The following PDXDC1 variants were observed in gnomAD, a reference collection of about 807,000 sequenced individuals.
The protein encoded by PDXDC1 is pyridoxal-dependent decarboxylase domain-containing protein 1.
A neutral mutation model predicts 100.1 loss-of-function variants in PDXDC1; 42 were observed. The ratio of observed to expected loss-of-function variants is 0.42; its 90% confidence interval spans 0.33 to 0.54. The LOEUF (loss-of-function observed/expected upper bound fraction) is 0.54. PDXDC1 is among the 20% of genes least tolerant of loss of function. The pLI, the probability that PDXDC1 is intolerant of heterozygous loss-of-function variation, is 0.10. For missense variants in PDXDC1, 636 were observed against 979.2 expected (o/e 0.65, Z 4.68); for synonymous variants, 260 against 371.7 (o/e 0.70, Z 3.46).
chr16:15,079,877 G>A lies in PDXDC1; in HGVS notation c.1399+49821G>A, dbSNP rs149547769. 1.9e-5 allele frequency: 23 copies of A among 1,190,578 alleles called. No homozygotes were observed. In the Admixed American group the frequency reaches 2.3e-4, roughly 12 times the overall value. The allele number at this position is 1,190,578 out of a possible 1,614,324, so 73.8% of individuals were successfully genotyped here. A position where few individuals can be genotyped will look rare whatever the true frequency, so the allele number is the denominator to read the frequency against. On this transcript the variant is annotated intron_variant, in intron 16 of 16. Transcript: ENST00000535621. The stretch of plus-strand genomic sequence containing the variant: ...CTCCCAAAGTGCTGGGAATACAGGC[G>A]TGAGTCACCACGCCTGGCCAAGTGG...
chr16:14,992,977 A>G, intron 1 of PDXDC1, among the ~76,000 whole-genome samples: 1 of 152,192 alleles, frequency 6.6e-6, no homozygotes. Context: ...TCTGCCTCCC[A>G]AGTAGCTAGG....
chr16:15,013,183 TAAGTA>T (rs2041472945), intron 8 of PDXDC1, among the ~76,000 whole-genome samples: 2 of 149,976 alleles, frequency 1.3e-5, no homozygotes, highest in Admixed American at 6.7e-5. Flanking sequence ...AAAAAATAAA[TAAGTA>T]AATAAATAAA....
intron 4 of PDXDC1, among the ~76,000 whole-genome samples, chr16:15,002,473 T>A (rs1489540133): frequency 1.3e-5 from 2 of 152,296 alleles, no homozygotes; most frequent in African/African-American, 4.8e-5. Context: ...ACTTATGTCT[T>A]GGAGTTCACT....
intron 16 of PDXDC1, chr16:15,135,992 T>A (rs1430728236): frequency 6.4e-7 from 1 of 1,553,570 alleles, no homozygotes; most frequent in South Asian, 1.1e-5. Context: ...CCGAGCCAGA[T>A]GCAGTGCTCG....
At chr16:15,027,800 G>C (rs1253023561) in intron 14 of PDXDC1, among the ~76,000 whole-genome samples, 1 of 152,280 alleles carries the variant, frequency 6.6e-6, no homozygotes, top group Non-Finnish European at 1.5e-5. Context: ...CTGCCCACTA[G>C]GGTCTCAGGT....
intron 16 of PDXDC1, chr16:15,094,855 T>A (rs2046297654): frequency 6.6e-6 from 1 of 152,458 alleles, no homozygotes; most frequent in African/African-American, 2.4e-5. Flanking sequence ...TTATTTTCTT[T>A]TGAGGCCGAG....
intron 16 of PDXDC1, chr16:15,048,131 T>C (rs2044150082): frequency 2.1e-6 from 3 of 1,427,498 alleles, no homozygotes; most frequent in South Asian, 1.2e-5. Context: ...AAAATAGTGA[T>C]GTAAATTAGT....
intron 16 of PDXDC1, among the ~76,000 whole-genome samples, chr16:15,128,717 G>A (rs368005051): frequency 4.6e-5 from 7 of 152,088 alleles, no homozygotes; most frequent in East Asian, 1.9e-4. Context: ...CCAGTGACCC[G>A]CACCACACAC....
intron 16 of PDXDC1, chr16:15,135,187 C>T (rs1315848240): frequency 2.5e-6 from 2 of 812,820 alleles, no homozygotes; most frequent in Admixed American, 2.0e-5. Flanking sequence ...GAAGAGCGCG[C>T]GGCCTCCACC....
downstream of PDXDC1, among the ~76,000 whole-genome samples, chr16:15,043,120 G>A (rs1025170842): frequency 1.5e-4 from 23 of 152,192 alleles, no homozygotes; most frequent in Admixed American, 4.6e-4. Context: ...GGCTGGTCTT[G>A]AACTTCTGAC....
At chr16:14,990,040 G>A in intron 1 of PDXDC1, 1 of 1,479,802 alleles carries the variant, frequency 6.8e-7, no homozygotes, top group Non-Finnish European at 8.9e-7. Context: ...GCCGCCCGCT[G>A]CGCGCCGGAC....
At chr16:15,081,175 C>A (rs181296655) in intron 16 of PDXDC1, among the ~76,000 whole-genome samples, 3 of 152,190 alleles carry the variant, frequency 2.0e-5, no homozygotes, top group Non-Finnish European at 4.4e-5. Flanking sequence ...GCTGCTATGA[C>A]CATCCATGTA....
At chr16:15,065,377 G>A in intron 16 of PDXDC1, 1 of 1,610,188 alleles carries the variant, frequency 6.2e-7, no homozygotes. Context: ...ACTTACTGTG[G>A]AACAAAAAAA....
intron 16 of PDXDC1, among the ~76,000 whole-genome samples, chr16:15,048,252 G>A (rs991103135): frequency 1.3e-5 from 2 of 152,238 alleles, no homozygotes; most frequent in Non-Finnish European, 2.9e-5. Flanking sequence ...GAAAAAGGCA[G>A]CAGCCACGGT....
intron 6 of PDXDC1, among the ~76,000 whole-genome samples, chr16:15,006,822 G>C: frequency 6.6e-6 from 1 of 152,282 alleles, no homozygotes; most frequent in East Asian, 1.9e-4. Flanking sequence ...ATCGAAGGGG[G>C]TGTGTTTGTG....
chr16:14,992,830 C>G (rs1971134226), intron 1 of PDXDC1, among the ~76,000 whole-genome samples: 1 of 152,196 alleles, frequency 6.6e-6, no homozygotes, highest in African/African-American at 2.4e-5. Flanking sequence ...AGACCAGAAT[C>G]AGACGTTTTT....
At chr16:15,100,977 ATAGT>A (rs779822842) in intron 16 of PDXDC1, among the ~76,000 whole-genome samples, 5 of 152,160 alleles carry the variant, frequency 3.3e-5, no homozygotes, top group Non-Finnish European at 7.3e-5. Flanking sequence ...GCTATCTCAA[ATAGT>A]TAATTAATTA....
intron 16 of PDXDC1, among the ~76,000 whole-genome samples, chr16:15,067,467 A>C (rs910771798): frequency 8.8e-5 from 9 of 102,060 alleles, no homozygotes; most frequent in Non-Finnish European, 1.2e-4. Flanking sequence ...AGTGCTTAGA[A>C]CTGCCTGGCA....
At position 15,026,789 on chromosome 16, in the gene PDXDC1, A is replaced by G. The variant is rs1489897824; in HGVS notation, c.1204+83A>G. ...ATACCATTTCAAGTTAAATAGTTCA[A>G]AATATTTTTATTGCTGACAATCTTC... On this transcript the variant is annotated intron_variant, in intron 14 of 22. Coordinates refer to ENST00000396410, the MANE Select transcript of PDXDC1 (RefSeq NM_015027.4). The G allele has an allele frequency of 6.0e-6, 8 of 1,331,710 alleles. No homozygotes were observed. The East Asian group carries it at 1.7e-4, about 28-fold the overall frequency. The allele number at this position is 1,331,710 out of a possible 1,614,324, so 82.5% of individuals were successfully genotyped here.
Sources: allele counts gnomAD v4.1 joint callset (sites outside exome capture counted in the v4.1 genomes callset), GRCh38; gene constraint gnomAD v4.1.1; transcripts MANE v1.5; gene names NCBI Gene and HGNC (gene_info 2026-07-23, HGNC 2026-07-21).